Variants in NCOA2 observed in about 807,000 individuals in gnomAD.
NCOA2 encodes nuclear receptor coactivator 2.
In NCOA2, 21 loss-of-function variants were observed where a neutral mutation model predicts 145.1. That is an observed-to-expected ratio of 0.14 (90% CI 0.10 to 0.21). NCOA2 has a LOEUF of 0.21. Ranked by LOEUF, NCOA2 falls within the 10% of genes least tolerant of loss-of-function variation. The pLI is 1.00. For missense variants in NCOA2, 1,472 were observed against 1,837.6 expected, an observed-to-expected ratio of 0.80 and a Z score of 3.64; for synonymous variants, 619 against 637.5, an observed-to-expected ratio of 0.97 and a Z score of 0.44.
intron 4 of NCOA2, among the ~76,000 whole-genome samples, chr8:70,184,305 G>A (rs537501077): frequency 6.6e-6 from 1 of 152,174 alleles, no homozygotes; most frequent in African/African-American, 2.4e-5. Flanking sequence ...TACAAAAAAA[G>A]TGATCTGGGT....
chr8:70,250,111 C>G (rs930844176), intron 2 of NCOA2, among the ~76,000 whole-genome samples: 1 of 150,932 alleles, frequency 6.6e-6, no homozygotes, highest in South Asian at 2.1e-4. Context: ...ATGGCAAAGA[C>G]CAGGCACGGT....
At chr8:70,379,419 G>T (rs2131390389) in intron 1 of NCOA2, among the ~76,000 whole-genome samples, 1 of 152,270 alleles carries the variant, frequency 6.6e-6, no homozygotes, top group South Asian at 2.1e-4. Context: ...ATATCATGTG[G>T]TTTCATACAA....
At chr8:70,242,325 C>G (rs995048727) in intron 2 of NCOA2, among the ~76,000 whole-genome samples, 8 of 152,024 alleles carry the variant, frequency 5.3e-5, no homozygotes. Context: ...TTTAATAAAA[C>G]ATACATAGCA....
At chr8:70,342,806 CA>C (rs1159617253) in intron 1 of NCOA2, among the ~76,000 whole-genome samples, 3 of 150,112 alleles carry the variant, frequency 2.0e-5, no homozygotes. Context: ...CACACACACA[CA>C]CACACACACA....
intron 3 of NCOA2, among the ~76,000 whole-genome samples, chr8:70,215,466 G>C (rs1819516888): frequency 6.6e-6 from 1 of 152,148 alleles, no homozygotes; most frequent in Admixed American, 6.5e-5. Flanking sequence ...GAAGTAGTAG[G>C]GAACCTAGAG....
At position 70,156,559 on chromosome 8, in the gene NCOA2, G is replaced by A. The variant is rs770454921; in HGVS notation, c.1806C>T (p.Ser602=). 3.1e-6 allele frequency: 5 copies of A among 1,613,862 alleles called. No homozygotes were observed. Among genetic ancestry groups the A allele is most frequent in the South Asian group, 1.1e-5 (1 of 91,082 alleles). The stretch of plus-strand genomic sequence containing the variant: ...CCTTTTGCTCTCCAGGATGGCAGCT[G>A]CTCTCTGCTTGTCCAGTTGTACCTT... ...PSEGTTGQAE[S]SCHPGEQKET... Residue 602 remains serine, a synonymous_variant, in exon 11 of 23, where the codon AGC becomes AGT. Transcript: ENST00000452400.
Position 70,123,885 on chromosome 8 carries a change from T to C in NCOA2, c.4292A>G (p.Gln1431Arg), listed in dbSNP as rs1214618193. 6.2e-7 allele frequency: 1 copy of C among 1,604,438 alleles called. No homozygotes were observed. The highest frequency in any genetic ancestry group is 1.3e-5 in the African/African-American group (1 of 74,888). The change falls in exon 21 of 23, where the codon CAG (glutamine) becomes CGG (arginine). Residue 1431 changes from glutamine (Q) to arginine (R), a missense_variant and splice_region_variant. By Grantham distance (43) the Gln-to-Arg change is conservative. Transcript: ENST00000452400. ...TSGLSSMGPE[Q>R]VNDPALRGGN... ...GGTTGCTTCTCCTTGGGCACTCACC[T>C]GCTCGGGACCCATGGAGGACAGCCC...
At chr8:70,214,207 G>T in intron 3 of NCOA2, 132 bp from the exon 4 acceptor site, 1 of 862,542 alleles carries the variant, frequency 1.2e-6, no homozygotes. Context: ...ATACTTTTGG[G>T]GGAAAAACAC....
At chr8:70,227,859 C>CA (rs1820790087) in intron 2 of NCOA2, among the ~76,000 whole-genome samples, 1 of 151,716 alleles carries the variant, frequency 6.6e-6, no homozygotes, top group Admixed American at 6.6e-5. Flanking sequence ...TACAAAAACA[C>CA]AAAAAAATTA....
intron 10 of NCOA2, among the ~76,000 whole-genome samples, chr8:70,159,246 T>TA (rs1812687288): frequency 1.2e-5 from 1 of 86,404 alleles, no homozygotes. Flanking sequence ...ATATATATTT[T>TA]TTTTTTTTTC....
chr8:70,368,234 A>C (rs1352520264), intron 1 of NCOA2, among the ~76,000 whole-genome samples: 3 of 152,236 alleles, frequency 2.0e-5, no homozygotes, highest in East Asian at 1.9e-4. Context: ...GACAGAAAGA[A>C]AGACAAAGAG....
At chr8:70,267,647 C>T (rs562978316) in intron 2 of NCOA2, among the ~76,000 whole-genome samples, 1 of 151,972 alleles carries the variant, frequency 6.6e-6, no homozygotes, top group East Asian at 1.9e-4. Context: ...TTCCTTTCTG[C>T]TAGGTGATGG....
the NCOA2 span, among the ~76,000 whole-genome samples, chr8:70,447,066 C>G: frequency 6.6e-6 from 1 of 152,092 alleles, no homozygotes; most frequent in Admixed American, 6.5e-5. Context: ...TTTACAGAAT[C>G]CACGAGAAAA....
In NCOA2 at chr8:70,148,503, G is replaced by A. The variant is rs370860017; in HGVS notation, c.2395-20C>T. The A allele has an allele frequency of 6.2e-6, 10 of 1,609,122 alleles. No individual in the cohort carries two copies. Among genetic ancestry groups the A allele is most frequent in the African/African-American group, 4.0e-5 (3 of 74,918 alleles). On this transcript the variant is annotated intron_variant, in intron 11 of 22. Transcript: ENST00000452400. ...GCCAGGCTGTAGTTGACAAACAGAAGAGTTTATCCAGTCTACTCTAAGAGT... is the reference window on the plus strand; with the variant it reads ...GCCAGGCTGTAGTTGACAAACAGAAAAGTTTATCCAGTCTACTCTAAGAGT...
At chr8:70,324,945 CACT>C (rs1162074235) in intron 1 of NCOA2, among the ~76,000 whole-genome samples, 6 of 152,160 alleles carry the variant, frequency 3.9e-5, no homozygotes, top group East Asian at 1.9e-4. Context: ...AAATATTCAC[CACT>C]ATCTCTACCC....
chr8:70,406,777 A>C (rs1463964850), upstream of NCOA2, among the ~76,000 whole-genome samples: 1 of 152,194 alleles, frequency 6.6e-6, no homozygotes, highest in Non-Finnish European at 1.5e-5. Context: ...CAAAGTACTC[A>C]CTTTTTTCAT....
chr8:70,212,604 T>A (rs1299966556), intron 4 of NCOA2, among the ~76,000 whole-genome samples: 1 of 152,186 alleles, frequency 6.6e-6, no homozygotes, highest in Non-Finnish European at 1.5e-5. Flanking sequence ...ACAGTATAGG[T>A]ATGAAATGGA....
At chr8:70,142,844 A>G (rs1810600492) in intron 13 of NCOA2, among the ~76,000 whole-genome samples, 1 of 148,444 alleles carries the variant, frequency 6.7e-6, no homozygotes, top group Non-Finnish European at 1.5e-5. Context: ...AAATAATATG[A>G]CAAGATTATA....
chr8:70,272,878 AGT>A (rs1825164921), intron 2 of NCOA2, among the ~76,000 whole-genome samples: 1 of 152,202 alleles, frequency 6.6e-6, no homozygotes, highest in Non-Finnish European at 1.5e-5. Context: ...TAATATTTAC[AGT>A]GAAGAAAACT....
Sources: allele counts gnomAD v4.1 joint callset (sites outside exome capture counted in the v4.1 genomes callset), GRCh38; gene constraint gnomAD v4.1.1; transcripts MANE v1.5; gene names NCBI Gene and HGNC (gene_info 2026-07-23, HGNC 2026-07-21).